Variants in CCM2 observed in about 807,000 individuals in gnomAD.
CCM2 encodes CCM2 scaffold protein.
A neutral mutation model predicts 44.9 loss-of-function variants in CCM2; 25 were observed. The observed-to-expected ratio is 0.56, with a 90% CI of 0.41 to 0.78. The LOEUF (loss-of-function observed/expected upper bound fraction) is 0.78. Ranked by LOEUF, CCM2 falls within the 30% of genes least tolerant of loss-of-function variation. The probability of loss-of-function intolerance (pLI) is 0.00; values close to 1 mark genes in which losing one functional copy is unlikely to be tolerated. For synonymous variants in CCM2, 219 were observed against 241.1 expected, an observed-to-expected ratio of 0.91 and a Z score of 0.85; for missense variants, 481 against 580.6, an observed-to-expected ratio of 0.83 and a Z score of 1.76.
Position 45,075,206 on chromosome 7 carries a change from C to T in CCM2, c.1055-571C>T, listed in dbSNP as rs150865320. On this transcript the variant is annotated intron_variant, in intron 9 of 9. Coordinates refer to ENST00000258781, the MANE Select transcript of CCM2 (RefSeq NM_031443.4). ...CCCTTCTGTGCTGGGCCCTGCGTTGCCTCCTGGCATGGGACTCTGTCTGCC... is the reference window on the plus strand; with the variant it reads ...CCCTTCTGTGCTGGGCCCTGCGTTGTCTCCTGGCATGGGACTCTGTCTGCC... Among the ~76,000 whole-genome samples the T allele has an allele frequency of 2.6e-5, 4 of 152,354 alleles. No homozygotes were observed. In the East Asian group the frequency reaches 5.8e-4, roughly 22 times the overall value.
At chr7:45,023,667 GTTA>G (rs1796568712) in intron 1 of CCM2, among the ~76,000 whole-genome samples, 2 of 148,560 alleles carry the variant, frequency 1.3e-5, no homozygotes, top group Non-Finnish European at 3.0e-5. Context: ...AGAATGCCTT[GTTA>G]TTGTGAATGA....
chr7:45,043,163 T>A (rs536454496), intron 2 of CCM2, among the ~76,000 whole-genome samples: 1 of 151,796 alleles, frequency 6.6e-6, no homozygotes, highest in Non-Finnish European at 1.5e-5. Context: ...AGAGATGAGG[T>A]CTCACTGTGT....
chr7:45,046,746 C>A (rs1389811482), intron 2 of CCM2, among the ~76,000 whole-genome samples: 5 of 152,120 alleles, frequency 3.3e-5, no homozygotes, highest in African/African-American at 1.2e-4. Context: ...TGGACTTCAT[C>A]AAAATTTAAA....
chr7:45,022,027 C>T (rs1796501334), intron 1 of CCM2, among the ~76,000 whole-genome samples: 1 of 152,106 alleles, frequency 6.6e-6, no homozygotes, highest in Non-Finnish European at 1.5e-5. Flanking sequence ...TAGCTATCTG[C>T]ATGGAAAACA....
intron 1 of CCM2, among the ~76,000 whole-genome samples, chr7:45,032,094 G>C (rs1796996323): frequency 6.6e-6 from 1 of 152,212 alleles, no homozygotes; most frequent in Non-Finnish European, 1.5e-5. Context: ...ATGGGTAGGA[G>C]TGGCAGAGGG....
intron 1 of CCM2, among the ~76,000 whole-genome samples, chr7:45,007,445 T>TTA (rs1260818498): frequency 6.6e-6 from 1 of 152,248 alleles, no homozygotes; most frequent in Non-Finnish European, 1.5e-5. Flanking sequence ...ATGAGGGAGT[T>TTA]TACATTTGGA....
intron 1 of CCM2, among the ~76,000 whole-genome samples, chr7:45,009,655 C>T (rs1013606568): frequency 1.3e-5 from 2 of 152,052 alleles, no homozygotes; most frequent in East Asian, 3.9e-4. Flanking sequence ...CCGCCCACCT[C>T]GGCCTCCCAA....
chr7:45,074,866 C>T (rs1799266673), intron 9 of CCM2, among the ~76,000 whole-genome samples: 1 of 152,216 alleles, frequency 6.6e-6, no homozygotes, highest in African/African-American at 2.4e-5. Flanking sequence ...GGCTAGAGGG[C>T]TGTGTGGTCT....
chr7:45,059,031 T>C (rs1241526059), intron 2 of CCM2, among the ~76,000 whole-genome samples: 3 of 151,410 alleles, frequency 2.0e-5, no homozygotes, highest in Non-Finnish European at 1.5e-5. Context: ...AGGTGTGAGC[T>C]ACCATGACCA....
Position 45,072,746 on chromosome 7 carries a change from G to A in CCM2, c.766G>A (p.Asp256Asn), listed in dbSNP as rs779476016. 6.8e-6 allele frequency: 11 copies of A among 1,612,892 alleles called. No individual in the cohort carries two copies. The highest frequency in any genetic ancestry group is 1.7e-5 in the Admixed American group (1 of 60,004). The change falls in exon 7 of 10, where the codon GAC becomes AAC. Residue 256 changes from aspartate to asparagine, a missense_variant. By Grantham distance (23) the Asp-to-Asn change is conservative (BLOSUM62 1). Transcript: ENST00000258781. ...LHSDDSSTKVDIKETYEVEAS... is the reference protein window; with the variant it reads ...LHSDDSSTKVNIKETYEVEAS... The stretch of plus-strand genomic sequence containing the variant: ...TACAGATGACTCTTCTACAAAAGTG[G>A]ACATTAAGGAGACCTACGAGGTGGA...
intron 6 of CCM2, chr7:45,072,152 C>T: frequency 2.9e-6 from 1 of 342,472 alleles, no homozygotes; most frequent in Non-Finnish European, 5.7e-6. Context: ...TAGCAAATTA[C>T]AGTCTGTGTC....
In CCM2 at chr7:45,068,531, T is replaced by C; in HGVS notation, c.561T>C (p.Val187=). The part of the protein sequence containing the change: ...LSAGSLSESA[V]GPVEACCLVI... ...CAGGCTCCCTGTCGGAGAGTGCAGTTGGGCCCGTGGAGGCATGCTGCCTGG... is the reference window on the plus strand; with the variant it reads ...CAGGCTCCCTGTCGGAGAGTGCAGTCGGGCCCGTGGAGGCATGCTGCCTGG... Residue 187 remains valine (V), a synonymous_variant, in exon 5 of 10, where the codon GTT becomes GTC. Transcript: ENST00000258781. 4 of 1,614,128 alleles carry C rather than the reference T, an allele frequency of 2.5e-6. No homozygotes were observed. Among genetic ancestry groups the C allele is most frequent in the Non-Finnish European group, 3.4e-6 (4 of 1,180,012 alleles).
chr7:45,002,588 T>C (rs554793580), intron 1 of CCM2, among the ~76,000 whole-genome samples: 1 of 152,082 alleles, frequency 6.6e-6, no homozygotes, highest in South Asian at 2.1e-4. Context: ...CTCGGCCCAT[T>C]TTCCTCAGGA....
At chr7:45,069,004 G>T (rs1185442814) in intron 5 of CCM2, among the ~76,000 whole-genome samples, 2 of 152,228 alleles carry the variant, frequency 1.3e-5, no homozygotes, top group African/African-American at 4.8e-5. Flanking sequence ...GTGCATCCTA[G>T]ACCTGCCTGG....
intron 2 of CCM2, among the ~76,000 whole-genome samples, chr7:45,049,242 C>A (rs1797892029): frequency 6.6e-6 from 1 of 152,198 alleles, no homozygotes; most frequent in African/African-American, 2.4e-5. Context: ...AAGTGTGAGC[C>A]ACCATGTCCG....
chr7:45,018,974 G>C (rs1796372685), intron 1 of CCM2, among the ~76,000 whole-genome samples: 1 of 151,198 alleles, frequency 6.6e-6, no homozygotes, highest in South Asian at 2.1e-4. Flanking sequence ...TGACCAGGCT[G>C]GTCTCGAACT....
intron 1 of CCM2, among the ~76,000 whole-genome samples, chr7:45,013,789 A>G (rs993515252): frequency 6.6e-6 from 1 of 152,126 alleles, no homozygotes; most frequent in Non-Finnish European, 1.5e-5. Context: ...GATATTTTTG[A>G]AGATTACAGA....
chr7:45,023,787 G>GTTTTTTTTTTTTTTTTTTTT (rs10596429), intron 1 of CCM2, among the ~76,000 whole-genome samples: 5 of 58,616 alleles, frequency 8.5e-5, no homozygotes, highest in Admixed American at 2.4e-4. Flanking sequence ...CTCTGTATCA[G>GTTTTTTTTTTTTTTTTTTTT]TTTTTTTTTT....
At chr7:45,057,504 A>G (rs915508741) in intron 2 of CCM2, among the ~76,000 whole-genome samples, 1 of 152,208 alleles carries the variant, frequency 6.6e-6, no homozygotes, top group Non-Finnish European at 1.5e-5. Flanking sequence ...CTGTCTTTAT[A>G]TCACGCTCTT....
Sources: allele counts gnomAD v4.1 joint callset (sites outside exome capture counted in the v4.1 genomes callset), GRCh38; gene constraint gnomAD v4.1.1; transcripts MANE v1.5; gene names NCBI Gene and HGNC (gene_info 2026-07-23, HGNC 2026-07-21).